The following RORA variants were observed in gnomAD, a reference collection of about 807,000 sequenced individuals.
The protein encoded by RORA is RAR related orphan receptor A, also known as nuclear receptor ROR-alpha.
A neutral mutation model predicts 69.5 loss-of-function variants in RORA; 7 were observed. The observed-to-expected ratio is 0.10, with a 90% confidence interval of 0.06 to 0.19. The LOEUF (loss-of-function observed/expected upper bound fraction) is 0.19, where lower values mean the gene tolerates loss of function less well. Ranked by LOEUF, RORA falls within the 10% of genes least tolerant of loss-of-function variation. RORA has a pLI of 1.00. For synonymous variants in RORA, 261 were observed against 240.8 expected, an observed-to-expected ratio of 1.08 and a Z score of -0.78; for missense variants, 457 against 663.0, an observed-to-expected ratio of 0.69 and a Z score of 3.41.
intron 1 of RORA, among the ~76,000 whole-genome samples, chr15:60,847,305 T>A (rs2073276848): frequency 1.3e-5 from 2 of 152,010 alleles, no homozygotes; most frequent in Non-Finnish European, 2.9e-5. Context: ...AGGGTGTTTC[T>A]CGGAGGTTGC....
intron 1 of RORA, among the ~76,000 whole-genome samples, chr15:61,105,456 G>C (rs903196532): frequency 3.3e-5 from 5 of 152,250 alleles, no homozygotes; most frequent in East Asian, 1.9e-4. Context: ...AAAGTCTGAA[G>C]TCTTCCAAAA....
intron 9 of RORA, 88 bp from the exon 10 acceptor site, chr15:60,500,092 A>C: frequency 2.6e-6 from 2 of 775,850 alleles, no homozygotes; most frequent in East Asian, 2.6e-5. Context: ...ACGGATAATT[A>C]TATCACAATG....
At chr15:60,793,803 T>A (rs369055992) in intron 1 of RORA, among the ~76,000 whole-genome samples, 10 of 152,186 alleles carry the variant, frequency 6.6e-5, no homozygotes, top group African/African-American at 2.4e-4. Context: ...CTCCAAGGCT[T>A]ACTGGCCACC....
Position 60,807,701 on chromosome 15 carries a change from C to T in RORA, c.167-129015G>A, listed in dbSNP as rs1236241513. On this transcript the variant is annotated intron_variant, in intron 1 of 10. Coordinates refer to ENST00000335670, the MANE Select transcript of RORA (RefSeq NM_134261.3). ...TACTATACGGCCATAGTCACCAAAA[C>T]AGCATGATCTTGGTATAAAAATAGG... Among the ~76,000 whole-genome samples the T allele has an allele frequency of 2.6e-5, 4 of 152,186 alleles. 1 individual carries two copies. In the East Asian group the frequency reaches 7.7e-4, roughly 29 times the overall value.
intron 2 of RORA, among the ~76,000 whole-genome samples, chr15:60,666,137 C>G (rs964013150): frequency 1.3e-5 from 2 of 151,424 alleles, no homozygotes; most frequent in Non-Finnish European, 2.9e-5. Flanking sequence ...ATACTGATCA[C>G]TCTGTTAAGC....
At chr15:60,559,054 A>G (rs2067455934) in intron 2 of RORA, among the ~76,000 whole-genome samples, 2 of 152,274 alleles carry the variant, frequency 1.3e-5, no homozygotes, top group South Asian at 4.1e-4. Flanking sequence ...ATAAATAATA[A>G]AAATCTTATA....
intron 1 of RORA, among the ~76,000 whole-genome samples, chr15:60,825,954 C>T (rs1309446338): frequency 6.6e-6 from 1 of 152,192 alleles, no homozygotes; most frequent in African/African-American, 2.4e-5. Flanking sequence ...TTCCTTTGGG[C>T]TTCAAAGCCC....
At chr15:61,159,389 T>A (rs922753251) in intron 1 of RORA, among the ~76,000 whole-genome samples, 2 of 152,196 alleles carry the variant, frequency 1.3e-5, no homozygotes, top group African/African-American at 4.8e-5. Flanking sequence ...TCCAATTTTT[T>A]TTACTTACCA....
chr15:61,130,782 C>G (rs1047941123), intron 1 of RORA, among the ~76,000 whole-genome samples: 2 of 152,130 alleles, frequency 1.3e-5, no homozygotes, highest in Non-Finnish European at 1.5e-5. Flanking sequence ...AATGGGTGTT[C>G]CCTAAACAGT....
chr15:60,707,465 G>A (rs1015597083), intron 1 of RORA, among the ~76,000 whole-genome samples: 1 of 151,848 alleles, frequency 6.6e-6, no homozygotes, highest in Non-Finnish European at 1.5e-5. Flanking sequence ...CCGGGTTCAC[G>A]CCATTCTCCT....
At chr15:61,133,125 T>G (rs1003328002) in intron 1 of RORA, among the ~76,000 whole-genome samples, 2 of 152,188 alleles carry the variant, frequency 1.3e-5, no homozygotes, top group Non-Finnish European at 2.9e-5. Context: ...GGGAAACATT[T>G]TGTTCATTAT....
chr15:60,610,198 T>TCACA (rs10674463), intron 2 of RORA, among the ~76,000 whole-genome samples: 16,026 of 147,756 alleles, frequency 0.11, 1,285 homozygotes, highest in African/African-American at 0.22. Flanking sequence ...GTCGTGTAAG[T>TCACA]CACACACACA....
chr15:60,908,816 C>T (rs1176658120), intron 1 of RORA, among the ~76,000 whole-genome samples: 1 of 152,024 alleles, frequency 6.6e-6, no homozygotes, highest in Admixed American at 6.5e-5. Flanking sequence ...GCGATTATGC[C>T]CTGCATGCTG....
chr15:61,205,477 T>C (rs529171865), intron 1 of RORA, among the ~76,000 whole-genome samples: 9 of 152,306 alleles, frequency 5.9e-5, no homozygotes, highest in Middle Eastern at 3.4e-3. Context: ...CACGCAGGAA[T>C]TCCTCCAGCA....
At chr15:60,959,680 C>T (rs1341008377) in intron 1 of RORA, among the ~76,000 whole-genome samples, 5 of 152,166 alleles carry the variant, frequency 3.3e-5, no homozygotes, top group Non-Finnish European at 7.3e-5. Flanking sequence ...ATCATTTCCA[C>T]ATTTAGTGGG....
intron 1 of RORA, among the ~76,000 whole-genome samples, chr15:60,931,309 T>C (rs1049608410): frequency 1.3e-5 from 2 of 152,136 alleles, no homozygotes; most frequent in African/African-American, 4.8e-5. Context: ...CCTACAGGCC[T>C]CCACTGGATG....
chr15:61,151,716 T>C (rs1232058072), intron 1 of RORA, among the ~76,000 whole-genome samples: 1 of 152,196 alleles, frequency 6.6e-6, no homozygotes, highest in African/African-American at 2.4e-5. Context: ...AACGAAAAGT[T>C]TCAAAGATCT....
At chr15:60,524,160 T>G (rs2066269087) in intron 3 of RORA, among the ~76,000 whole-genome samples, 1 of 152,238 alleles carries the variant, frequency 6.6e-6, no homozygotes, top group African/African-American at 2.4e-5. Flanking sequence ...TTCCTATTTC[T>G]CAGATCCATC....
chr15:61,059,705 G>C (rs1426406303), intron 1 of RORA, among the ~76,000 whole-genome samples: 1 of 151,684 alleles, frequency 6.6e-6, no homozygotes, highest in East Asian at 1.9e-4. Flanking sequence ...AATGTGTCCT[G>C]TCCCTAAATA....
Sources: allele counts gnomAD v4.1 joint callset (sites outside exome capture counted in the v4.1 genomes callset), GRCh38; gene constraint gnomAD v4.1.1; transcripts MANE v1.5; gene names NCBI Gene and HGNC (gene_info 2026-07-23, HGNC 2026-07-21).